ELMO1: variants seen among roughly 807,000 people sequenced by gnomAD.
ELMO1 encodes engulfment and cell motility 1, also known as engulfment and cell motility protein 1.
Under a neutral mutation model 98.9 loss-of-function variants are expected in ELMO1, and 26 were observed. The observed-to-expected ratio is 0.26, with a 90% CI of 0.19 to 0.36. The LOEUF (loss-of-function observed/expected upper bound fraction) is 0.36, where lower values mean the gene tolerates loss of function less well. Among genes scored for constraint, ELMO1 ranks in the 10% least tolerant of loss-of-function variants. The probability of loss-of-function intolerance (pLI) is 1.00; values close to 1 mark genes in which losing one functional copy is unlikely to be tolerated. For missense variants in ELMO1, 627 were observed against 935.2 expected, an observed-to-expected ratio of 0.67 and a Z score of 4.30; for synonymous variants, 346 against 346.0, an observed-to-expected ratio of 1.00 and a Z score of 0.00.
intron 19 of ELMO1, among the ~76,000 whole-genome samples, chr7:36,872,702 G>A (rs558265599): frequency 6.4e-4 from 97 of 152,178 alleles, no homozygotes; most frequent in African/African-American, 2.2e-3. Context: ...AATCCCTACC[G>A]TAGGAAGGGA....
intron 13 of ELMO1, among the ~76,000 whole-genome samples, chr7:37,186,874 G>A (rs544466086): frequency 1.3e-5 from 2 of 152,286 alleles, no homozygotes; most frequent in African/African-American, 2.4e-5. Flanking sequence ...ATACATTGGT[G>A]CAAGCACTTT....
At chr7:36,942,757 T>G (rs1214862427) in intron 16 of ELMO1, among the ~76,000 whole-genome samples, 1 of 152,178 alleles carries the variant, frequency 6.6e-6, no homozygotes, top group African/African-American at 2.4e-5. Context: ...CTAATTAGAT[T>G]TAGTGCCCTA....
intron 14 of ELMO1, among the ~76,000 whole-genome samples, chr7:37,104,726 T>C (rs1784845441): frequency 6.6e-6 from 1 of 152,000 alleles, no homozygotes; most frequent in African/African-American, 2.4e-5. Context: ...GTTAAGAATG[T>C]GAGTATAACT....
Position 37,343,020 on chromosome 7 carries a change from G to A in ELMO1, c.-73-257C>T, listed in dbSNP as rs139636790. ...CTGCCCTGTGGGGCACGGCTTGCGC[G>A]AATCTTCAGTGGAAAGAAAGCTGTT... On this transcript the variant is annotated intron_variant, in intron 1 of 21. Coordinates refer to ENST00000310758, the MANE Select transcript of ELMO1 (RefSeq NM_014800.11). The A allele has an allele frequency of 1.8e-3, 500 of 278,644 alleles. 5 individuals carry two copies. Among genetic ancestry groups the A allele is most frequent in the African/African-American group, 0.011 (478 of 44,742 alleles). 17.3% of individuals were successfully genotyped at this position (278,644 alleles called of 1,614,324 possible). A position where few individuals can be genotyped will look rare whatever the true frequency, so the allele number is the denominator to read the frequency against.
intron 1 of ELMO1, among the ~76,000 whole-genome samples, chr7:37,382,551 C>G (rs914865195): frequency 6.6e-6 from 1 of 151,994 alleles, no homozygotes; most frequent in Non-Finnish European, 1.5e-5. Flanking sequence ...TAAAGGTGTC[C>G]CCACCATCCC....
At chr7:37,236,629 G>A (rs2130652971) in intron 7 of ELMO1, among the ~76,000 whole-genome samples, 1 of 152,174 alleles carries the variant, frequency 6.6e-6, no homozygotes, top group African/African-American at 2.4e-5. Context: ...CACATATTCT[G>A]TATATAACAT....
chr7:36,915,513 G>A (rs1784626686), intron 16 of ELMO1, among the ~76,000 whole-genome samples: 1 of 152,132 alleles, frequency 6.6e-6, no homozygotes, highest in Non-Finnish European at 1.5e-5. Context: ...CTTAGAGATG[G>A]ATCCACCACA....
intron 13 of ELMO1, among the ~76,000 whole-genome samples, chr7:37,139,685 C>T (rs764224906): frequency 2.0e-5 from 3 of 152,096 alleles, no homozygotes; most frequent in African/African-American, 7.2e-5. Context: ...CCAAATACCA[C>T]CACTGCTCTT....
chr7:37,245,538 T>G (rs1186897318), intron 6 of ELMO1, among the ~76,000 whole-genome samples: 3 of 152,232 alleles, frequency 2.0e-5, no homozygotes, highest in Non-Finnish European at 4.4e-5. Flanking sequence ...TTTATTCCTC[T>G]TCTGCTCCCC....
chr7:36,891,179 C>T (rs1406038852), intron 17 of ELMO1, among the ~76,000 whole-genome samples: 1 of 152,202 alleles, frequency 6.6e-6, no homozygotes, highest in East Asian at 1.9e-4. Context: ...TCTTATTCAC[C>T]ATGTGTATTG....
intron 1 of ELMO1, among the ~76,000 whole-genome samples, chr7:37,356,911 G>C (rs1801520786): frequency 1.3e-5 from 2 of 152,150 alleles, no homozygotes; most frequent in Admixed American, 1.3e-4. Flanking sequence ...CTCCACCAAA[G>C]TAAACCATGA....
At chr7:37,344,892 A>G (rs1292874611) in intron 1 of ELMO1, among the ~76,000 whole-genome samples, 1 of 152,212 alleles carries the variant, frequency 6.6e-6, no homozygotes, top group South Asian at 2.1e-4. Flanking sequence ...TGATATCTGT[A>G]ACGAAGATCT....
Position 36,949,161 on chromosome 7 carries a change from A to G in ELMO1, c.1438-54144T>C, listed in dbSNP as rs116410855. Among the ~76,000 whole-genome samples, 758 of 152,090 alleles carry G rather than the reference A, an allele frequency of 5.0e-3. 6 individuals are homozygous for G. The highest frequency in any genetic ancestry group is 0.017 in the African/African-American group (720 of 41,490). On this transcript the variant is annotated intron_variant, in intron 16 of 21. Transcript: ENST00000310758. ...GTGAGCCACCATGCCTGGCCTGCTC[A>G]CTCACTCTTCAAAGATCTCATAACA...
At chr7:37,164,902 G>A (rs976953972) in intron 13 of ELMO1, among the ~76,000 whole-genome samples, 7 of 151,278 alleles carry the variant, frequency 4.6e-5, no homozygotes, top group East Asian at 1.9e-4. Flanking sequence ...GATGGGGATG[G>A]CATTGAATCT....
chr7:37,316,013 A>G, intron 2 of ELMO1, 53 bp from the exon 3 acceptor site: 1 of 1,351,174 alleles, frequency 7.4e-7, no homozygotes, highest in Non-Finnish European at 1.0e-6. Flanking sequence ...ATCATTTTAA[A>G]TTAAAAAAAA....
intron 16 of ELMO1, among the ~76,000 whole-genome samples, 184 bp from the exon 17 acceptor site, chr7:36,895,201 T>C (rs1805892645): frequency 6.6e-6 from 1 of 152,176 alleles, no homozygotes; most frequent in Non-Finnish European, 1.5e-5. Context: ...TTCTCTTGCA[T>C]TGCTGGAACA....
chr7:37,294,057 T>C (rs79911430), intron 4 of ELMO1, among the ~76,000 whole-genome samples: 2,255 of 152,276 alleles, frequency 0.015, 51 homozygotes, highest in East Asian at 0.099. Flanking sequence ...CTCATTCAGA[T>C]GGCATATACT....
chr7:37,324,293 C>T (rs34759153), intron 2 of ELMO1, among the ~76,000 whole-genome samples: 1,580 of 152,264 alleles, frequency 0.01, 25 homozygotes, highest in African/African-American at 0.036. Flanking sequence ...GGCAGCGCCC[C>T]CAGCCAATGT....
intron 16 of ELMO1, among the ~76,000 whole-genome samples, chr7:36,973,624 C>T (rs916128196): frequency 1.3e-5 from 2 of 152,210 alleles, no homozygotes; most frequent in Non-Finnish European, 2.9e-5. Context: ...GACTCCTCTG[C>T]CTGGGCTCCC....
Sources: allele counts gnomAD v4.1 joint callset (sites outside exome capture counted in the v4.1 genomes callset), GRCh38; gene constraint gnomAD v4.1.1; transcripts MANE v1.5; gene names NCBI Gene and HGNC (gene_info 2026-07-23, HGNC 2026-07-21).